Variants in GPC5 observed in about 807,000 individuals in gnomAD.
GPC5 encodes the protein glypican 5.
In GPC5, 47 loss-of-function variants were observed where a neutral mutation model predicts 53.9. That is an observed-to-expected ratio of 0.87 (90% CI 0.69 to 1.11). The LOEUF is 1.11. Among genes scored for constraint, GPC5 ranks in the 50% most tolerant of loss-of-function variants. The pLI is 0.00. For missense variants in GPC5, 748 were observed against 713.1 expected (o/e 1.05, Z -0.56); for synonymous variants, 286 against 263.3 (o/e 1.09, Z -0.84).
chr13:92,268,347 T>C (rs1188965920), intron 7 of GPC5, among the ~76,000 whole-genome samples: 2 of 147,820 alleles, frequency 1.4e-5, no homozygotes, highest in Admixed American at 1.4e-4. Flanking sequence ...GGTATATATC[T>C]CTTTCTATAC....
In GPC5 at chr13:91,724,641, G is replaced by C. The variant is rs562488735; in HGVS notation, c.1021-3891G>C. ...AGGTGGGAGGATCACTTGAGGCCAG[G>C]GGTTTGAGACCAGCCCTGGCAACAT... is the stretch of plus-strand genomic sequence containing the variant. On this transcript the variant is annotated intron_variant, in intron 3 of 7. Coordinates refer to ENST00000377067, the MANE Select transcript of GPC5 (RefSeq NM_004466.6). Among the ~76,000 whole-genome samples the C allele has an allele frequency of 7.2e-4, 109 of 152,026 alleles. 1 individual carries two copies. The highest frequency in any genetic ancestry group is 2.5e-3 in the African/African-American group (105 of 41,464).
At position 92,628,264 on chromosome 13, in the gene GPC5, C is replaced by CTTTTTTTTTTTTTTTTTTTTT. The variant is rs71123419; in HGVS notation, c.1562-238009_1562-237989dup. Among the ~76,000 whole-genome samples the CTTTTTTTTTTTTTTTTTTTTT allele has an allele frequency of 5.6e-3, 252 of 45,366 alleles. 30 individuals are homozygous for CTTTTTTTTTTTTTTTTTTTTT. Among genetic ancestry groups the CTTTTTTTTTTTTTTTTTTTTT allele is most frequent in the Non-Finnish European group, 6.9e-3 (160 of 23,128 alleles). The allele number at this position is 45,366 out of a possible 152,430, so 29.8% of individuals were successfully genotyped here. A position where few individuals can be genotyped will look rare whatever the true frequency, so the allele number is the denominator to read the frequency against. On this transcript the variant is annotated intron_variant, in intron 7 of 7. Coordinates refer to ENST00000377067, the MANE Select transcript of GPC5 (RefSeq NM_004466.6). ...TTTTCTTTTCTTTTTCTTTTTCTTT[C>CTTTTTTTTTTTTTTTTTTTTT]TTTTTTTTTTTTTTTTTTTTTTTTT...
chr13:92,312,235 A>G (rs1234316065), intron 7 of GPC5, among the ~76,000 whole-genome samples: 1 of 152,150 alleles, frequency 6.6e-6, no homozygotes, highest in African/African-American at 2.4e-5. Flanking sequence ...TTTCTAGAAC[A>G]TCTCCAGTTT....
At chr13:92,623,031 A>G (rs992124188) in intron 7 of GPC5, among the ~76,000 whole-genome samples, 1 of 151,702 alleles carries the variant, frequency 6.6e-6, no homozygotes, top group Non-Finnish European at 1.5e-5. Flanking sequence ...AAAAAGTTAT[A>G]TTTTTTTTAC....
At chr13:91,571,903 A>ACACG (rs1258509912) in intron 2 of GPC5, among the ~76,000 whole-genome samples, 1 of 69,696 alleles carries the variant, frequency 1.4e-5, no homozygotes, top group Non-Finnish European at 2.6e-5. Context: ...ATATACACAT[A>ACACG]TTGTATATAT....
At chr13:91,551,771 G>T (rs144101621) in intron 2 of GPC5, among the ~76,000 whole-genome samples, 126 of 152,140 alleles carry the variant, frequency 8.3e-4, no homozygotes, top group African/African-American at 3.0e-3. Context: ...AATGTATTTG[G>T]TTCTTAACAC....
intron 7 of GPC5, among the ~76,000 whole-genome samples, chr13:92,375,011 A>G (rs1399823845): frequency 6.6e-6 from 1 of 152,216 alleles, no homozygotes; most frequent in Non-Finnish European, 1.5e-5. Flanking sequence ...AGGATATAAT[A>G]CTTGAGTTCG....
Position 92,667,188 on chromosome 13 carries a change from AC to A in GPC5, c.1562-199093del, listed in dbSNP as rs549052178. 5.1e-3 allele frequency among the ~76,000 whole-genome samples: 778 copies of A among 152,280 alleles called. 9 individuals are homozygous for A. Among genetic ancestry groups the A allele is most frequent in the Non-Finnish European group, 8.6e-3 (587 of 68,014 alleles). On this transcript the variant is annotated intron_variant, in intron 7 of 7. Transcript: ENST00000377067. ...GTCTTAAACAGAGGCATGCATGTGC[AC>A]GCATGTGTGTCTGTGTGTGTACGGA...
chr13:91,691,265 A>C (rs1300758033), intron 2 of GPC5, among the ~76,000 whole-genome samples: 1 of 152,222 alleles, frequency 6.6e-6, no homozygotes, highest in Non-Finnish European at 1.5e-5. Flanking sequence ...TGGCCAGGTT[A>C]AAAGAATCAC....
intron 7 of GPC5, among the ~76,000 whole-genome samples, chr13:92,310,986 A>G (rs1213972203): frequency 1.3e-5 from 2 of 152,180 alleles, no homozygotes; most frequent in African/African-American, 4.8e-5. Flanking sequence ...TTTCTATGTC[A>G]ATGGCAGCTA....
In GPC5 at chr13:91,437,372, GGGCA is replaced by G. The variant is rs1880063313; in HGVS notation, c.164-11385_164-11382del. On this transcript the variant is annotated intron_variant, in intron 1 of 7. Coordinates refer to ENST00000377067, the MANE Select transcript of GPC5 (RefSeq NM_004466.6). The stretch of plus-strand genomic sequence containing the variant: ...AGTGCTTCCTTCGGGAGCTCTTTTA[GGGCA>G]GGCCTGGTGGTGACAAAATCTCTTA... 2.0e-5 allele frequency among the ~76,000 whole-genome samples: 3 copies of G among 152,256 alleles called. No homozygotes were observed. In the East Asian group the frequency reaches 5.8e-4, roughly 29 times the overall value.
chr13:92,335,486 A>G (rs1400476786), intron 7 of GPC5, among the ~76,000 whole-genome samples: 2 of 152,078 alleles, frequency 1.3e-5, no homozygotes, highest in African/African-American at 4.8e-5. Context: ...CATTTTCTCC[A>G]TTGCTTTAGT....
At chr13:91,404,301 C>G (rs117125150) in intron 1 of GPC5, among the ~76,000 whole-genome samples, 200 of 152,280 alleles carry the variant, frequency 1.3e-3, no homozygotes, top group Middle Eastern at 0.01. Flanking sequence ...TGAATGGTCT[C>G]TTGGTATAAC....
intron 6 of GPC5, among the ~76,000 whole-genome samples, chr13:92,086,601 C>A (rs1261450503): frequency 3.3e-5 from 5 of 151,880 alleles, no homozygotes; most frequent in South Asian, 2.1e-4. Context: ...CTGTAGAACA[C>A]TTTTTTCTTC....
chr13:92,734,222 T>C (rs1271171327), intron 7 of GPC5, among the ~76,000 whole-genome samples: 2 of 151,834 alleles, frequency 1.3e-5, no homozygotes, highest in Non-Finnish European at 2.9e-5. Context: ...GGGTACCTTC[T>C]GACTCTTAAC....
intron 6 of GPC5, among the ~76,000 whole-genome samples, chr13:92,084,662 A>G (rs56243407): frequency 0.054 from 8,242 of 152,254 alleles, 306 homozygotes; most frequent in Non-Finnish European, 0.083. Context: ...TGCAGACAAC[A>G]TTATCTACCT....
At chr13:91,779,391 C>T (rs1276962794) in intron 5 of GPC5, among the ~76,000 whole-genome samples, 2 of 151,804 alleles carry the variant, frequency 1.3e-5, no homozygotes, top group Non-Finnish European at 2.9e-5. Flanking sequence ...AACAGGGTCT[C>T]ATGTTGTTGC....
At chr13:92,183,093 A>T (rs1192104332) in intron 7 of GPC5, among the ~76,000 whole-genome samples, 1 of 152,224 alleles carries the variant, frequency 6.6e-6, no homozygotes, top group Non-Finnish European at 1.5e-5. Flanking sequence ...TTTATTGAAC[A>T]GGGTGGAACT....
At chr13:91,735,244 T>C in intron 4 of GPC5, among the ~76,000 whole-genome samples, 1 of 151,234 alleles carries the variant, frequency 6.6e-6, no homozygotes, top group Non-Finnish European at 1.5e-5. Flanking sequence ...ACATAATACA[T>C]AGGGAATATA....
Sources: allele counts gnomAD v4.1 joint callset (sites outside exome capture counted in the v4.1 genomes callset), GRCh38; gene constraint gnomAD v4.1.1; transcripts MANE v1.5; gene names NCBI Gene and HGNC (gene_info 2026-07-23, HGNC 2026-07-21).